Variants in DOP1B observed in about 807,000 individuals in gnomAD.
DOP1B encodes the protein protein DOP1B.
In DOP1B, 174 loss-of-function variants were observed where a neutral mutation model predicts 233.5. The observed-to-expected ratio is 0.75, with a 90% CI of 0.66 to 0.85. The LOEUF is 0.85. DOP1B is among the 40% of genes least tolerant of loss of function. The pLI, the probability that DOP1B is intolerant of heterozygous loss-of-function variation, is 0.00. For synonymous variants in DOP1B, 1,190 were observed against 1,185.6 expected (o/e 1.00, Z -0.08); for missense variants, 2,652 against 2,846.6 (o/e 0.93, Z 1.56).
At chr21:36,210,719 C>T (rs541849037) in intron 5 of DOP1B, among the ~76,000 whole-genome samples, 2 of 151,484 alleles carry the variant, frequency 1.3e-5, no homozygotes, top group South Asian at 2.1e-4. Flanking sequence ...GTCTGAGACA[C>T]GAGAATCGCT....
Position 36,233,319 on chromosome 21 carries a change from C to G in DOP1B, c.2622+244C>G, listed in dbSNP as rs962449656. ...GGGCCTGCCAGGACTGAGTGGAACCCCTGCCTGGGAGTGGGGTCTGGGTGG... is the reference window on the plus strand; with the variant it reads ...GGGCCTGCCAGGACTGAGTGGAACCGCTGCCTGGGAGTGGGGTCTGGGTGG... On this transcript the variant is annotated intron_variant, in intron 15 of 36. Transcript: ENST00000691173. 1.3e-4 allele frequency among the ~76,000 whole-genome samples: 20 copies of G among 152,182 alleles called. 1 individual carries two copies. The highest frequency in any genetic ancestry group is 4.8e-4 in the African/African-American group (20 of 41,448).
intron 2 of DOP1B, among the ~76,000 whole-genome samples, chr21:36,173,867 T>TAA (rs34655762): frequency 3.4e-5 from 5 of 147,598 alleles, no homozygotes; most frequent in African/African-American, 1.2e-4. Context: ...TAAAGCTCTT[T>TAA]AAAAAAAAAA....
chr21:36,280,476 G>A (rs959148672), intron 31 of DOP1B, 130 bp downstream of exon 31: 2 of 577,164 alleles, frequency 3.5e-6, no homozygotes, highest in Admixed American at 3.7e-5. Flanking sequence ...AGACTGTAAT[G>A]TGATGTTCAT....
At chr21:36,201,677 C>G (rs1294406508) in intron 4 of DOP1B, among the ~76,000 whole-genome samples, 2 of 151,958 alleles carry the variant, frequency 1.3e-5, no homozygotes, top group Non-Finnish European at 2.9e-5. Flanking sequence ...CTTCTTCTTT[C>G]CATTAAACTA....
chr21:36,164,278 G>T (rs1254742011), intron 1 of DOP1B, among the ~76,000 whole-genome samples: 1 of 152,170 alleles, frequency 6.6e-6, no homozygotes, highest in East Asian at 1.9e-4. Flanking sequence ...ACCCGTGATC[G>T]TGCCACTGCA....
intron 7 of DOP1B, 38 bp downstream of exon 7, chr21:36,212,135 A>C: frequency 6.6e-7 from 1 of 1,521,902 alleles, no homozygotes; most frequent in Non-Finnish European, 8.8e-7. Flanking sequence ...GTCAAAGTTA[A>C]TATGAAACCT....
intron 2 of DOP1B, chr21:36,169,354 G>A: frequency 2.5e-6 from 2 of 794,662 alleles, no homozygotes; most frequent in Admixed American, 1.7e-5. Context: ...TCTCAGTGTG[G>A]TGATGGTCGC....
At chr21:36,171,149 G>A (rs974908795) in intron 2 of DOP1B, among the ~76,000 whole-genome samples, 9 of 152,188 alleles carry the variant, frequency 5.9e-5, no homozygotes, top group Non-Finnish European at 8.8e-5. Context: ...CTCAGACCCC[G>A]ACCAGCCTGG....
intron 27 of DOP1B, among the ~76,000 whole-genome samples, chr21:36,275,981 G>C (rs962069951): frequency 6.6e-5 from 10 of 152,106 alleles, no homozygotes; most frequent in African/African-American, 2.2e-4. Flanking sequence ...AAATGCCAGA[G>C]GGGTGGTCAG....
intron 15 of DOP1B, among the ~76,000 whole-genome samples, chr21:36,236,372 G>A (rs185972111): frequency 0.012 from 1,757 of 152,346 alleles, 18 homozygotes; most frequent in South Asian, 0.018. Context: ...GTTGTGCAGG[G>A]AAAAGGGAAG....
At chr21:36,229,386 G>A (rs928991080) in intron 13 of DOP1B, among the ~76,000 whole-genome samples, 1 of 152,046 alleles carries the variant, frequency 6.6e-6, no homozygotes, top group African/African-American at 2.4e-5. Flanking sequence ...AGCATTCCTC[G>A]GCTTGTCCAG....
intron 15 of DOP1B, among the ~76,000 whole-genome samples, chr21:36,235,673 A>G (rs1275208264): frequency 1.3e-5 from 2 of 152,106 alleles, no homozygotes; most frequent in Non-Finnish European, 1.5e-5. Context: ...GGTTGCAGTG[A>G]GTTGACATCG....
intron 1 of DOP1B, among the ~76,000 whole-genome samples, chr21:36,161,687 G>T (rs2065870799): frequency 6.6e-6 from 1 of 152,150 alleles, no homozygotes; most frequent in South Asian, 2.1e-4. Flanking sequence ...TTACAGAGTT[G>T]TGCAAGCATC....
In DOP1B at chr21:36,246,112, C is replaced by G. The variant is rs1364767098; in HGVS notation, c.4132C>G (p.Leu1378Val). The G allele has an allele frequency of 1.2e-6, 2 of 1,614,010 alleles. No homozygotes were observed. The highest frequency in any genetic ancestry group is 1.7e-6 in the Non-Finnish European group (2 of 1,180,038). ...GAACGTGGAGTTCATCCACAGCTTG[C>G]TGCAGAGGTGCAAAGTTCAGGAGTT... ...GKNVEFIHSL[L>V]QRCKVQEFVL... Residue 1378 changes from leucine (L) to valine (V), a missense_variant, in exon 19 of 37, where the codon CTG becomes GTG. Leu to Val is a conservative substitution (Grantham distance 32, BLOSUM62 1). Transcript: ENST00000691173. The surrounding 1 kb of genome is among the most constrained non-coding windows in gnomAD (Gnocchi z 5.1).
intron 26 of DOP1B, among the ~76,000 whole-genome samples, chr21:36,264,478 T>C (rs952412826): frequency 2.0e-5 from 3 of 151,830 alleles, no homozygotes; most frequent in Admixed American, 1.3e-4. Flanking sequence ...TTTTTTTTTT[T>C]TGGGCCAGGG....
chr21:36,236,533 C>T (rs920776354), intron 15 of DOP1B, among the ~76,000 whole-genome samples: 8 of 152,166 alleles, frequency 5.3e-5, no homozygotes, highest in African/African-American at 1.7e-4. Context: ...TCACCAAACT[C>T]CCCAGAGGGT....
At chr21:36,208,965 A>G (rs2066461896) in intron 5 of DOP1B, 61 bp downstream of exon 5, 23 of 1,430,392 alleles carry the variant, frequency 1.6e-5, no homozygotes, top group Non-Finnish European at 2.0e-5. Flanking sequence ...CAGCATCCTC[A>G]TGGGCAGGTT....
intron 4 of DOP1B, among the ~76,000 whole-genome samples, chr21:36,204,950 C>G (rs530753665): frequency 6.6e-6 from 1 of 152,256 alleles, no homozygotes; most frequent in South Asian, 2.1e-4. Context: ...CCACTGCACC[C>G]AGCACCAACA....
intron 2 of DOP1B, among the ~76,000 whole-genome samples, chr21:36,197,562 C>T (rs920139635): frequency 3.9e-5 from 6 of 152,180 alleles, no homozygotes; most frequent in Non-Finnish European, 7.3e-5. Flanking sequence ...AGTCCCTGCC[C>T]TCGCACTGTA....
Sources: gnomAD v4.1 joint callset for allele counts (sites outside exome capture counted in the v4.1 genomes callset) on GRCh38, gnomAD v4.1.1 for gene constraint, Gnocchi (gnomAD v3.1) non-coding constraint, MANE v1.5 for transcripts, NCBI Gene and HGNC (gene_info 2026-07-23, HGNC 2026-07-21) for gene names.